Variants in EPHA6 observed in about 807,000 individuals in gnomAD.
EPHA6 encodes the protein EPH receptor A6, also known as ephrin type-A receptor 6.
In EPHA6, 50 loss-of-function variants were observed where a neutral mutation model predicts 112.0. The observed-to-expected ratio is 0.45, with a 90% CI of 0.36 to 0.56. The LOEUF (loss-of-function observed/expected upper bound fraction) is 0.56. Among genes scored for constraint, EPHA6 ranks in the 20% least tolerant of loss-of-function variants. The pLI is 0.00. For synonymous variants in EPHA6, 529 were observed against 490.7 expected (o/e 1.08, Z -1.03); for missense variants, 1,280 against 1,417.4 (o/e 0.90, Z 1.56).
chr3:96,988,063 T>A lies in EPHA6; in HGVS notation c.1114+70T>A, dbSNP rs75891561. 6,333 of 1,217,248 alleles carry A rather than the reference T, an allele frequency of 5.2e-3. 145 individuals carry two copies. In the African/African-American group the frequency reaches 0.052, roughly 10 times the overall value. 75.4% of individuals were successfully genotyped at this position (1,217,248 alleles called of 1,614,324 possible). ...TTTAAAAAAGTTTTATTTTTTAAAT[T>A]AACAAATAGTAATTGTGCATATTCA... On this transcript the variant is annotated intron_variant, in intron 3 of 17. Transcript: ENST00000389672.
intron 3 of EPHA6, among the ~76,000 whole-genome samples, chr3:97,179,129 T>C (rs1370008160): frequency 6.6e-6 from 1 of 152,068 alleles, no homozygotes; most frequent in African/African-American, 2.4e-5. Flanking sequence ...CACTAATTCT[T>C]TCATCTGCTT....
At chr3:97,068,470 A>G (rs2046249484) in intron 3 of EPHA6, among the ~76,000 whole-genome samples, 2 of 152,108 alleles carry the variant, frequency 1.3e-5, no homozygotes, top group Admixed American at 6.6e-5. Context: ...GTAAGAAGAG[A>G]ATAGTCAGCA....
intron 2 of EPHA6, among the ~76,000 whole-genome samples, chr3:96,979,542 T>G (rs2042671600): frequency 6.6e-6 from 1 of 152,204 alleles, no homozygotes; most frequent in Non-Finnish European, 1.5e-5. Context: ...GCAGCATGAT[T>G]TATAATCCTT....
At chr3:97,178,365 T>G (rs552798123) in intron 3 of EPHA6, among the ~76,000 whole-genome samples, 88 of 152,226 alleles carry the variant, frequency 5.8e-4, no homozygotes, top group Non-Finnish European at 1.2e-3. Flanking sequence ...TCTTTCTGCA[T>G]AGATAAGAGT....
chr3:97,094,298 C>T (rs1316245658), intron 3 of EPHA6, among the ~76,000 whole-genome samples: 1 of 151,870 alleles, frequency 6.6e-6, no homozygotes, highest in Non-Finnish European at 1.5e-5. Context: ...CTTATTAGAC[C>T]CCCCTAGCAA....
intron 14 of EPHA6, among the ~76,000 whole-genome samples, chr3:97,647,460 C>A (rs916458336): frequency 1.3e-5 from 2 of 151,952 alleles, no homozygotes; most frequent in South Asian, 2.1e-4. Context: ...GCATGAAAAC[C>A]AAGAAATGTG....
intron 2 of EPHA6, among the ~76,000 whole-genome samples, chr3:96,889,375 C>T (rs189909426): frequency 1.1e-4 from 17 of 152,154 alleles, no homozygotes; most frequent in Non-Finnish European, 1.8e-4. Context: ...AAGACGTATC[C>T]GAGACTGGGA....
chr3:96,937,246 C>T (rs2040640922), intron 2 of EPHA6, among the ~76,000 whole-genome samples: 1 of 152,186 alleles, frequency 6.6e-6, no homozygotes, highest in Admixed American at 6.5e-5. Context: ...GTTCCTATTT[C>T]TCCACATCCT....
At chr3:97,367,233 C>T (rs1577113757) in intron 5 of EPHA6, among the ~76,000 whole-genome samples, 1 of 152,174 alleles carries the variant, frequency 6.6e-6, no homozygotes, top group South Asian at 2.1e-4. Context: ...AATGTGTTAA[C>T]GATTAATACT....
intron 12 of EPHA6, among the ~76,000 whole-genome samples, chr3:97,593,675 C>T (rs1485488992): frequency 6.6e-6 from 1 of 152,152 alleles, no homozygotes; most frequent in African/African-American, 2.4e-5. Flanking sequence ...ATTTCTTGTC[C>T]TTGTTAGCAT....
chr3:97,701,308 G>A (rs532870837), intron 14 of EPHA6, among the ~76,000 whole-genome samples: 1 of 152,240 alleles, frequency 6.6e-6, no homozygotes, highest in East Asian at 1.9e-4. Flanking sequence ...AGCTCCCTGT[G>A]TGGAGATAGT....
intron 3 of EPHA6, among the ~76,000 whole-genome samples, chr3:97,095,924 C>T (rs1189543962): frequency 6.6e-6 from 1 of 151,922 alleles, no homozygotes; most frequent in Admixed American, 6.6e-5. Context: ...TTGAAAACCT[C>T]TGCTTTCTTG....
At chr3:97,033,222 C>G (rs1576360173) in intron 3 of EPHA6, among the ~76,000 whole-genome samples, 1 of 151,964 alleles carries the variant, frequency 6.6e-6, no homozygotes, top group East Asian at 1.9e-4. Flanking sequence ...ATGTGTACCA[C>G]TTTATTGAAA....
chr3:96,963,931 T>C (rs1340777498), intron 2 of EPHA6, among the ~76,000 whole-genome samples: 1 of 152,100 alleles, frequency 6.6e-6, no homozygotes, highest in Non-Finnish European at 1.5e-5. Context: ...CATCCAAATC[T>C]CTAGAATGGT....
intron 12 of EPHA6, among the ~76,000 whole-genome samples, chr3:97,609,646 G>T (rs2093703460): frequency 6.6e-6 from 1 of 151,404 alleles, no homozygotes; most frequent in South Asian, 2.1e-4. Flanking sequence ...CAAATGTAAA[G>T]TCTAGCATTT....
chr3:96,922,692 G>A (rs2318070), intron 2 of EPHA6, among the ~76,000 whole-genome samples: 35,910 of 151,572 alleles, frequency 0.24, 7,668 homozygotes, highest in African/African-American at 0.55. Context: ...CAGGATGTGT[G>A]GGTTTGTTAC....
intron 7 of EPHA6, among the ~76,000 whole-genome samples, chr3:97,458,529 C>T (rs1322281863): frequency 3.3e-5 from 5 of 152,010 alleles, no homozygotes; most frequent in East Asian, 1.9e-4. Flanking sequence ...ATTTATCACA[C>T]GTAAGTGTGT....
Position 97,272,296 on chromosome 3 carries a change from T to C in EPHA6, c.1606+28009T>C, listed in dbSNP as rs533297586. Among the ~76,000 whole-genome samples the C allele has an allele frequency of 9.1e-4, 79 of 86,510 alleles. 1 individual carries two copies. In the East Asian group the frequency reaches 0.026, roughly 28 times the overall value. The allele number at this position is 86,510 out of a possible 152,430, so 56.8% of individuals were successfully genotyped here. A position where few individuals can be genotyped will look rare whatever the true frequency, so the allele number is the denominator to read the frequency against. On this transcript the variant is annotated intron_variant, in intron 5 of 17. Coordinates refer to ENST00000389672, the MANE Select transcript of EPHA6 (RefSeq NM_001080448.3). ...TTTAAAGGCTGAATAATATTCCATT[T>C]CGTGTGTGTGTGTGTGTGTGTGTGT...
At chr3:97,602,416 T>G (rs1478063846) in intron 12 of EPHA6, among the ~76,000 whole-genome samples, 1 of 152,004 alleles carries the variant, frequency 6.6e-6, no homozygotes, top group African/African-American at 2.4e-5. Context: ...TTCCAGGATA[T>G]TTCTAGGATA....
Sources: gnomAD v4.1 joint callset for allele counts (sites outside exome capture counted in the v4.1 genomes callset) on GRCh38, gnomAD v4.1.1 for gene constraint, MANE v1.5 for transcripts, NCBI Gene and HGNC (gene_info 2026-07-23, HGNC 2026-07-21) for gene names.